MAP4K3: variants seen among roughly 807,000 people sequenced by gnomAD.
MAP4K3 encodes MAPK/ERK kinase kinase kinase 3.
Under a neutral mutation model 143.5 loss-of-function variants are expected in MAP4K3, and 94 were observed. That is an observed-to-expected ratio of 0.65 (90% CI 0.55 to 0.78). The LOEUF is 0.78. Ranked by LOEUF, MAP4K3 falls within the 30% of genes least tolerant of loss-of-function variation. MAP4K3 has a pLI of 0.00. For missense variants in MAP4K3, 1,077 were observed against 1,068.1 expected, an observed-to-expected ratio of 1.01 and a Z score of -0.12; for synonymous variants, 416 against 347.2, an observed-to-expected ratio of 1.20 and a Z score of -2.20.
chr2:39,260,421 A>G (rs1353847599), intron 29 of MAP4K3, among the ~76,000 whole-genome samples, 185 bp downstream of exon 29: 2 of 152,170 alleles, frequency 1.3e-5, no homozygotes, highest in Admixed American at 6.5e-5. Flanking sequence ...CTGCCAGCCA[A>G]TGTTTTAAAT....
At chr2:39,309,375 C>T (rs1573128926) in intron 14 of MAP4K3, 86 bp downstream of exon 14, 1 of 946,208 alleles carries the variant, frequency 1.1e-6, no homozygotes. Flanking sequence ...TAATGACTAG[C>T]TTTTTTGGTC....
rs766678967 is a variant in MAP4K3, at chr2:39,258,632, C to T, written c.2309-45G>A. On this transcript the variant is annotated intron_variant, in intron 29 of 33. Transcript: ENST00000263881. ...TGGTAAACCTACAGAAACTGTGATACTTAAAGCATGGAAACATTGAAGAAA... is the reference window on the plus strand; with the variant it reads ...TGGTAAACCTACAGAAACTGTGATATTTAAAGCATGGAAACATTGAAGAAA... 6 of 1,276,456 alleles carry T rather than the reference C, an allele frequency of 4.7e-6. No individual in the cohort carries two copies. In the East Asian group the frequency reaches 9.2e-5, roughly 20 times the overall value. The allele number at this position is 1,276,456 out of a possible 1,614,324, so 79.1% of individuals were successfully genotyped here. A position where few individuals can be genotyped will look rare whatever the true frequency, so the allele number is the denominator to read the frequency against.
At chr2:39,338,596 C>A (rs1438703712) in intron 4 of MAP4K3, among the ~76,000 whole-genome samples, 4 of 152,162 alleles carry the variant, frequency 2.6e-5, no homozygotes, top group Non-Finnish European at 5.9e-5. Flanking sequence ...ACGATGAACA[C>A]CTTTACATCA....
chr2:39,394,657 A>G (rs1410930137), intron 1 of MAP4K3, among the ~76,000 whole-genome samples: 1 of 152,162 alleles, frequency 6.6e-6, no homozygotes, highest in African/African-American at 2.4e-5. Context: ...ATTCACAAAT[A>G]AGTTATAAAA....
chr2:39,261,328 T>A (rs78294322), intron 28 of MAP4K3, among the ~76,000 whole-genome samples: 42 of 152,102 alleles, frequency 2.8e-4, no homozygotes, highest in South Asian at 1.0e-3. Context: ...TAATTTTATA[T>A]GTTTAAAATT....
At chr2:39,411,417 A>C (rs543457607) in intron 1 of MAP4K3, among the ~76,000 whole-genome samples, 21 of 152,230 alleles carry the variant, frequency 1.4e-4, no homozygotes, top group Non-Finnish European at 2.6e-4. Flanking sequence ...AGCATGAGGA[A>C]AGAATGGTGT....
chr2:39,420,572 A>C (rs1572510195), intron 1 of MAP4K3, among the ~76,000 whole-genome samples: 2 of 147,926 alleles, frequency 1.4e-5, no homozygotes, highest in African/African-American at 2.5e-5. Context: ...ATGTGCCACC[A>C]TGCCTGGCTT....
chr2:39,324,043 T>A (rs1683406827), intron 12 of MAP4K3, among the ~76,000 whole-genome samples: 1 of 152,218 alleles, frequency 6.6e-6, no homozygotes, highest in Non-Finnish European at 1.5e-5. Context: ...GGACTGCCTG[T>A]ATACTAAATA....
intron 27 of MAP4K3, among the ~76,000 whole-genome samples, chr2:39,266,619 C>T (rs1460186935): frequency 6.6e-6 from 1 of 152,014 alleles, no homozygotes; most frequent in Non-Finnish European, 1.5e-5. Flanking sequence ...CTTCAGTGAG[C>T]CTATGTTTAG....
intron 1 of MAP4K3, among the ~76,000 whole-genome samples, chr2:39,384,928 G>A (rs188094275): frequency 6.6e-5 from 10 of 152,130 alleles, no homozygotes; most frequent in Admixed American, 3.3e-4. Flanking sequence ...CCTAAACCCT[G>A]GAAACACTAA....
chr2:39,382,343 T>C (rs1666375421), intron 1 of MAP4K3, among the ~76,000 whole-genome samples: 1 of 152,180 alleles, frequency 6.6e-6, no homozygotes, highest in South Asian at 2.1e-4. Context: ...TTGAGCCCCT[T>C]GGAGTACTCA....
intron 28 of MAP4K3, among the ~76,000 whole-genome samples, chr2:39,261,743 A>G (rs772772683): frequency 6.6e-6 from 1 of 152,230 alleles, no homozygotes; most frequent in Non-Finnish European, 1.5e-5. Flanking sequence ...AAAAATGAAT[A>G]AACTATAGCT....
rs374117618 is a variant in MAP4K3, at chr2:39,290,349, G to C, written c.1272-15C>G. On this transcript the variant is annotated splice_polypyrimidine_tract_variant and intron_variant, in intron 18 of 33. Coordinates refer to ENST00000263881, the MANE Select transcript of MAP4K3 (RefSeq NM_003618.4). Reference sequence around the variant, plus strand: ...TCAGAGTTGAGCTAAAAACAGAAAAGTTTAGAATCAGAACTATTCATTTTA... The same window carrying C: ...TCAGAGTTGAGCTAAAAACAGAAAACTTTAGAATCAGAACTATTCATTTTA... 1.3e-4 allele frequency: 203 copies of C among 1,586,080 alleles called. No homozygotes were observed. Among genetic ancestry groups the C allele is most frequent in the Non-Finnish European group, 1.7e-4 (195 of 1,160,726 alleles).
At chr2:39,300,410 G>A (rs1356847743) in intron 15 of MAP4K3, among the ~76,000 whole-genome samples, 2 of 152,100 alleles carry the variant, frequency 1.3e-5, no homozygotes, top group African/African-American at 4.8e-5. Flanking sequence ...AACACCTTCC[G>A]ACTTAATGCT....
At chr2:39,377,084 C>A (rs1286455420) in intron 2 of MAP4K3, among the ~76,000 whole-genome samples, 1 of 151,428 alleles carries the variant, frequency 6.6e-6, no homozygotes, top group Non-Finnish European at 1.5e-5. Context: ...TTTAATATCA[C>A]TTCTAAAAAG....
At chr2:39,391,203 AC>A (rs1666643795) in intron 1 of MAP4K3, among the ~76,000 whole-genome samples, 1 of 151,354 alleles carries the variant, frequency 6.6e-6, no homozygotes, top group South Asian at 2.1e-4. Context: ...AAAAAAACAC[AC>A]AAAAATTAGC....
At chr2:39,258,692 A>C in intron 29 of MAP4K3, 105 bp from the exon 30 acceptor site, 1 of 840,518 alleles carries the variant, frequency 1.2e-6, no homozygotes, top group South Asian at 1.4e-5. Flanking sequence ...TGAAACGGAT[A>C]TGTCTTCTGT....
intron 16 of MAP4K3, among the ~76,000 whole-genome samples, chr2:39,295,647 T>A (rs949323379): frequency 6.6e-6 from 1 of 152,018 alleles, no homozygotes; most frequent in African/African-American, 2.4e-5. Flanking sequence ...AATATTAGGA[T>A]TTGAATACAG....
chr2:39,434,718 T>C (rs1281018063), intron 1 of MAP4K3, among the ~76,000 whole-genome samples: 1 of 152,238 alleles, frequency 6.6e-6, no homozygotes, highest in African/African-American at 2.4e-5. Flanking sequence ...CTACCAACTT[T>C]GGCAAGTTAA....
Sources: allele counts gnomAD v4.1 joint callset (sites outside exome capture counted in the v4.1 genomes callset), GRCh38; gene constraint gnomAD v4.1.1; transcripts MANE v1.5; gene names NCBI Gene and HGNC (gene_info 2026-07-23, HGNC 2026-07-21).